Variants in TENM2 observed in about 807,000 individuals in gnomAD.
TENM2 encodes teneurin-2.
A neutral mutation model predicts 245.2 loss-of-function variants in TENM2; 52 were observed. The observed-to-expected ratio is 0.21, with a 90% CI of 0.17 to 0.27. The LOEUF (loss-of-function observed/expected upper bound fraction) is 0.27. Ranked by LOEUF, TENM2 falls within the 10% of genes least tolerant of loss-of-function variation. The pLI, the probability that TENM2 is intolerant of heterozygous loss-of-function variation, is 1.00. For synonymous variants in TENM2, 1,363 were observed against 1,438.9 expected (o/e 0.95, Z 1.19); for missense variants, 3,046 against 3,666.8 (o/e 0.83, Z 4.37).
At chr5:167,182,779 T>G in the TENM2 span, among the ~76,000 whole-genome samples, 1 of 152,154 alleles carries the variant, frequency 6.6e-6, no homozygotes, top group Admixed American at 6.5e-5. Flanking sequence ...CCACTGTTGC[T>G]TTTGCAGGGA....
intron 2 of TENM2, among the ~76,000 whole-genome samples, chr5:167,419,640 C>T (rs906830398): frequency 1.3e-5 from 2 of 152,100 alleles, no homozygotes; most frequent in Non-Finnish European, 2.9e-5. Context: ...CAGCACATCC[C>T]CTGACTAACA....
At chr5:167,081,184 C>A in the TENM2 span, among the ~76,000 whole-genome samples, 2 of 151,638 alleles carry the variant, frequency 1.3e-5, no homozygotes, top group Admixed American at 6.6e-5. Flanking sequence ...GGACAGCCAA[C>A]ATAAAGGGGA....
At chr5:166,993,950 G>A in the TENM2 span, among the ~76,000 whole-genome samples, 6 of 152,086 alleles carry the variant, frequency 3.9e-5, no homozygotes, top group East Asian at 1.9e-4. Flanking sequence ...CTATATTTGC[G>A]TATGTTTGTT....
At chr5:168,107,327 A>T (rs552496215) in intron 9 of TENM2, among the ~76,000 whole-genome samples, 9 of 152,200 alleles carry the variant, frequency 5.9e-5, no homozygotes, top group African/African-American at 2.2e-4. Flanking sequence ...CCACCTCCAG[A>T]GTTCTCCAGA....
chr5:167,812,853 T>C (rs1766742143), intron 2 of TENM2, among the ~76,000 whole-genome samples: 1 of 152,026 alleles, frequency 6.6e-6, no homozygotes, highest in African/African-American at 2.4e-5. Context: ...AGAGAAGCAA[T>C]AATATGTTGT....
chr5:167,905,651 T>C (rs769608097), intron 3 of TENM2, among the ~76,000 whole-genome samples: 2 of 152,194 alleles, frequency 1.3e-5, no homozygotes, highest in Admixed American at 6.5e-5. Flanking sequence ...TAGGAGAATT[T>C]GGGATATCTG....
At chr5:168,054,509 G>T (rs745433620) in intron 6 of TENM2, among the ~76,000 whole-genome samples, 48 of 152,338 alleles carry the variant, frequency 3.2e-4, no homozygotes, top group South Asian at 1.9e-3. Flanking sequence ...AGAATAATCT[G>T]CAAGGCAGAT....
chr5:167,812,590 A>G (rs188850369), intron 2 of TENM2, among the ~76,000 whole-genome samples: 27 of 152,306 alleles, frequency 1.8e-4, no homozygotes, highest in Non-Finnish European at 3.4e-4. Flanking sequence ...TTAGAGTTGC[A>G]TTCTTTAAGC....
Position 168,218,374 on chromosome 5 carries a change from GAGA to G in TENM2, c.4490_4492del (p.Lys1497del), listed in dbSNP as rs992766081. ...GGTCCTCTACATCACTGAGACAGAT[GAGA>G]AGAAGATTAACCGTCTACGCCAGGT... On this transcript the variant is annotated inframe_deletion, in exon 23 of 29. Coordinates refer to ENST00000518659, the Ensembl canonical transcript of TENM2. This position sits in a 1 kb window ranked among gnomAD's most constrained non-coding sequence, Gnocchi z 5.2. 1.9e-6 allele frequency: 3 copies of G among 1,613,932 alleles called. No individual in the cohort carries two copies. Among genetic ancestry groups the G allele is most frequent in the Admixed American group, 1.7e-5 (1 of 60,008 alleles).
intron 2 of TENM2, among the ~76,000 whole-genome samples, chr5:167,499,356 A>G (rs1350669161): frequency 2.0e-5 from 3 of 152,172 alleles, no homozygotes; most frequent in Admixed American, 6.6e-5. Context: ...TAGGCAGGCT[A>G]TAGCACCAGT....
Position 168,195,026 on chromosome 5 carries a change from C to T in TENM2, c.2781-150C>T, listed in dbSNP as rs980948843. 53 of 924,338 alleles carry T rather than the reference C, an allele frequency of 5.7e-5. 1 individual carries two copies. The highest frequency in any genetic ancestry group is 7.3e-5 in the Non-Finnish European group (45 of 620,086). 57.3% of individuals were successfully genotyped at this position (924,338 alleles called of 1,614,324 possible). A position where few individuals can be genotyped will look rare whatever the true frequency, so the allele number is the denominator to read the frequency against. ...GCCCATGGATTTCACCCCAAAATGTCACTAGCGTGATTGTGCAAAGCCAGA... is the reference window on the plus strand; with the variant it reads ...GCCCATGGATTTCACCCCAAAATGTTACTAGCGTGATTGTGCAAAGCCAGA... On this transcript the variant is annotated intron_variant, in intron 14 of 28. Transcript: ENST00000518659.
intron 2 of TENM2, among the ~76,000 whole-genome samples, chr5:167,419,426 A>G (rs1012701888): frequency 2.6e-5 from 4 of 152,122 alleles, no homozygotes. Context: ...GTGCCACCGC[A>G]CTCCAGCCTG....
rs560628838 is a variant in TENM2, at chr5:167,903,769, G to A, written c.712+27574G>A. Among the ~76,000 whole-genome samples the A allele has an allele frequency of 1.2e-3, 188 of 152,314 alleles. No homozygotes were observed. In the Middle Eastern group the frequency reaches 0.031, roughly 25 times the overall value. Reference sequence around the variant, plus strand: ...TCAGAAATGGAGAATCCCAACCTTAGACCTTCTGAATTTTGATTATCAAGT... The same window carrying A: ...TCAGAAATGGAGAATCCCAACCTTAAACCTTCTGAATTTTGATTATCAAGT... On this transcript the variant is annotated intron_variant, in intron 3 of 28. Transcript: ENST00000518659.
chr5:168,184,987 C>A (rs575146657), intron 13 of TENM2: 3 of 152,220 alleles, frequency 2.0e-5, no homozygotes, highest in African/African-American at 7.2e-5. Flanking sequence ...CCTCTGCAGC[C>A]TACAATGCCA....
upstream of TENM2, among the ~76,000 whole-genome samples, chr5:167,283,583 G>T (rs533273300): frequency 1.3e-5 from 2 of 152,166 alleles, no homozygotes; most frequent in African/African-American, 4.8e-5. Flanking sequence ...GAGCAGAGGG[G>T]TTCAAAACTA....
At chr5:167,655,553 T>C (rs1455236654) in intron 2 of TENM2, among the ~76,000 whole-genome samples, 1 of 152,202 alleles carries the variant, frequency 6.6e-6, no homozygotes, top group Non-Finnish European at 1.5e-5. Context: ...AATTGCCAAC[T>C]TGTGTTGAAC....
At chr5:167,086,743 G>T in the TENM2 span, among the ~76,000 whole-genome samples, 3 of 152,046 alleles carry the variant, frequency 2.0e-5, no homozygotes, top group Admixed American at 1.3e-4. Context: ...AAGATAAAAC[G>T]ATCAGAAAGT....
chr5:167,138,656 C>G, the TENM2 span, among the ~76,000 whole-genome samples: 1 of 152,112 alleles, frequency 6.6e-6, no homozygotes, highest in Non-Finnish European at 1.5e-5. Context: ...GAGTTTTGCT[C>G]TTGTCGCCCA....
In TENM2 at chr5:167,702,540, A is replaced by ATGTG. The variant is rs1554102837; in HGVS notation, c.503-173436_503-173433dup. Among the ~76,000 whole-genome samples, 93 of 123,276 alleles carry ATGTG rather than the reference A, an allele frequency of 7.5e-4. 1 individual carries two copies. In the South Asian group the frequency reaches 0.011, roughly 15 times the overall value. The allele number at this position is 123,276 out of a possible 152,430, so 80.9% of individuals were successfully genotyped here. A position where few individuals can be genotyped will look rare whatever the true frequency, so the allele number is the denominator to read the frequency against. ...GGCTAATTTATATATGTATGTATGT[A>ATGTG]TGTGTGTGTGTGTATATATATATAT... On this transcript the variant is annotated intron_variant, in intron 2 of 28. Transcript: ENST00000518659.
Sources: gnomAD v4.1 joint callset for allele counts (sites outside exome capture counted in the v4.1 genomes callset) on GRCh38, gnomAD v4.1.1 for gene constraint, Gnocchi (gnomAD v3.1) non-coding constraint, MANE v1.5 for transcripts, NCBI Gene and HGNC (gene_info 2026-07-23, HGNC 2026-07-21) for gene names.